The following SRGAP1 variants were observed in gnomAD, a reference collection of about 807,000 sequenced individuals.
The protein encoded by SRGAP1 is SLIT-ROBO Rho GTPase-activating protein 1.
SRGAP1 carries 43 observed loss-of-function variants against 121.9 expected under a neutral mutation model. That is an observed-to-expected ratio of 0.35 (90% CI 0.28 to 0.46). The LOEUF is 0.46. Among genes scored for constraint, SRGAP1 ranks in the 20% least tolerant of loss-of-function variants. The probability of loss-of-function intolerance (pLI) is 1.00; values close to 1 mark genes in which losing one functional copy is unlikely to be tolerated. For missense variants in SRGAP1, 1,102 were observed against 1,350.9 expected, an observed-to-expected ratio of 0.82 and a Z score of 2.89; for synonymous variants, 447 against 485.4, an observed-to-expected ratio of 0.92 and a Z score of 1.04.
intron 3 of SRGAP1, among the ~76,000 whole-genome samples, chr12:63,991,625 T>C (rs1453538285): frequency 6.6e-6 from 1 of 152,128 alleles, no homozygotes; most frequent in African/African-American, 2.4e-5. Flanking sequence ...TATGCAGAGA[T>C]CTCGTTTGGT....
intron 1 of SRGAP1, chr12:63,871,786 C>G (rs1489730910): frequency 7.7e-7 from 1 of 1,302,768 alleles, no homozygotes; most frequent in East Asian, 2.3e-5. Context: ...CCTCCCAGTT[C>G]AAAATGCTTG....
In SRGAP1 at chr12:64,137,212, C is replaced by A. The variant is rs955127493; in HGVS notation, c.2881-5083C>A. 2.0e-5 allele frequency among the ~76,000 whole-genome samples: 3 copies of A among 151,458 alleles called. No homozygotes were observed. In the South Asian group the frequency reaches 6.3e-4, roughly 32 times the overall value. ...CCAGGAGGCGGAGGTCGCAGTGAGC[C>A]GAGATCACAGTATTGCATTGCATTC... On this transcript the variant is annotated intron_variant, in intron 21 of 21. Coordinates refer to ENST00000355086, the MANE Select transcript of SRGAP1 (RefSeq NM_020762.4).
chr12:64,124,070 T>C (rs948223272), intron 18 of SRGAP1, among the ~76,000 whole-genome samples: 1 of 152,134 alleles, frequency 6.6e-6, no homozygotes, highest in East Asian at 1.9e-4. Context: ...AAAAAAATTA[T>C]CCAAAGCAAA....
Position 64,129,975 on chromosome 12 carries a change from GGTTGTTGTTGTT to G in SRGAP1, c.2880+1797_2880+1808del, listed in dbSNP as rs57651653. On this transcript the variant is annotated intron_variant, in intron 21 of 21. Coordinates refer to ENST00000355086, the MANE Select transcript of SRGAP1 (RefSeq NM_020762.4). Reference sequence around the variant, plus strand: ...TTCAGCAAGCACCTCAGCAGGTCGTGGTTGTTGTTGTTGTTGTTGTTGTTGTTGTTGTTTTCC... The same window carrying G: ...TTCAGCAAGCACCTCAGCAGGTCGTGGTTGTTGTTGTTGTTGTTGTTTTCC... Among the ~76,000 whole-genome samples the G allele has an allele frequency of 6.6e-5, 10 of 151,236 alleles. 1 individual carries two copies. The South Asian group carries it at 8.4e-4, about 13-fold the overall frequency.
intron 1 of SRGAP1, among the ~76,000 whole-genome samples, chr12:63,953,399 A>ATTTTTTTTTTTTTTTTT (rs34352334): frequency 8.7e-6 from 1 of 114,704 alleles, no homozygotes; most frequent in Non-Finnish European, 1.8e-5. Flanking sequence ...TTCTTGATTG[A>ATTTTTTTTTTTTTTTTT]TTTTTTTTTT....
rs529518560 is a variant in SRGAP1 at position 63,943,612 on chromosome 12, G to GT, written c.68-40327dup. 1.7e-3 allele frequency among the ~76,000 whole-genome samples: 256 copies of GT among 152,132 alleles called. 3 individuals are homozygous for GT. Among genetic ancestry groups the GT allele is most frequent in the Non-Finnish European group, 3.1e-3 (212 of 67,980 alleles). On this transcript the variant is annotated intron_variant, in intron 1 of 21. Coordinates refer to ENST00000355086, the MANE Select transcript of SRGAP1 (RefSeq NM_020762.4). ...TACAGGCTTTTAACAACTATTCTAT[G>GT]TTTTTTTTCTAGGGGTATAAGAAAA...
chr12:64,086,434 G>A lies in SRGAP1; in HGVS notation c.1409-565G>A, dbSNP rs191640368. On this transcript the variant is annotated intron_variant, in intron 10 of 21. Transcript: ENST00000355086. ...TGAAAGGCTTTTAGCTTACAAGTTG[G>A]TGGAATGTAGTATCATTTAATGTCC... Among the ~76,000 whole-genome samples, 297 of 152,282 alleles carry A rather than the reference G, an allele frequency of 2.0e-3. 3 individuals carry two copies. The highest frequency in any genetic ancestry group is 6.8e-3 in the Middle Eastern group (2 of 294).
chr12:64,049,269 G>A (rs779599610), intron 6 of SRGAP1, among the ~76,000 whole-genome samples: 1 of 152,128 alleles, frequency 6.6e-6, no homozygotes, highest in African/African-American at 2.4e-5. Flanking sequence ...TTTCCCCAGT[G>A]TATGTTTGTG....
intron 6 of SRGAP1, among the ~76,000 whole-genome samples, chr12:64,047,762 A>G (rs2035162056): frequency 6.6e-6 from 1 of 152,168 alleles, no homozygotes; most frequent in Admixed American, 6.5e-5. Context: ...CGTAGAAACT[A>G]TTATAGAAGC....
chr12:63,855,494 T>TTG (rs1313593711), intron 1 of SRGAP1, among the ~76,000 whole-genome samples: 3 of 131,306 alleles, frequency 2.3e-5, no homozygotes, highest in Non-Finnish European at 4.9e-5. Context: ...TTTTTTTTTT[T>TTG]TTTTTTTTTT....
At chr12:63,852,812 T>C (rs928038218) in intron 1 of SRGAP1, among the ~76,000 whole-genome samples, 1 of 152,180 alleles carries the variant, frequency 6.6e-6, no homozygotes, top group African/African-American at 2.4e-5. Flanking sequence ...ATTCCACTTA[T>C]GACTGCTAAT....
At chr12:64,103,277 G>A (rs914948246) in intron 15 of SRGAP1, among the ~76,000 whole-genome samples, 3 of 152,088 alleles carry the variant, frequency 2.0e-5, no homozygotes, top group Non-Finnish European at 1.5e-5. Context: ...CACTGTGCCC[G>A]GCCAAGCTGT....
intron 1 of SRGAP1, among the ~76,000 whole-genome samples, chr12:63,979,948 T>C (rs2136403041): frequency 6.6e-6 from 1 of 152,358 alleles, no homozygotes; most frequent in South Asian, 2.1e-4. Context: ...GCTTTAATGT[T>C]CTGTAGTTCC....
intron 1 of SRGAP1, among the ~76,000 whole-genome samples, chr12:63,885,067 G>A (rs760429296): frequency 4.6e-5 from 7 of 152,012 alleles, no homozygotes; most frequent in African/African-American, 7.2e-5. Context: ...TATGGAGGCT[G>A]TTTAGGAAAA....
At chr12:64,082,125 A>C (rs1395961907) in intron 10 of SRGAP1, among the ~76,000 whole-genome samples, 2 of 149,748 alleles carry the variant, frequency 1.3e-5, no homozygotes, top group African/African-American at 4.9e-5. Flanking sequence ...TTATAGGCAC[A>C]AAGTCCTACC....
At position 64,009,021 on chromosome 12, in the gene SRGAP1, G is replaced by T. The variant is rs997638573; in HGVS notation, c.427-7929G>T. Among the ~76,000 whole-genome samples, 150 of 152,146 alleles carry T rather than the reference G, an allele frequency of 9.9e-4. 4 individuals are homozygous for T. The highest frequency in any genetic ancestry group is 3.5e-3 in the African/African-American group (145 of 41,474). The stretch of plus-strand genomic sequence containing the variant: ...TAGCTTTGGATCTCTCACAATTATG[G>T]CTGTCACAGAAAAGAAGGCCAGTTG... On this transcript the variant is annotated intron_variant, in intron 3 of 21. Coordinates refer to ENST00000355086, the MANE Select transcript of SRGAP1 (RefSeq NM_020762.4).
chr12:63,955,223 G>A lies in SRGAP1; in HGVS notation c.68-28724G>A, dbSNP rs549322014. On this transcript the variant is annotated intron_variant, in intron 1 of 21. Transcript: ENST00000355086. ...GGTCCCAGCTACTTGGGAGGCTGAG[G>A]CAGGAGAATCACTTGAACCCAGGAG... Among the ~76,000 whole-genome samples, 9 of 152,236 alleles carry A rather than the reference G, an allele frequency of 5.9e-5. No individual in the cohort carries two copies. In the South Asian group the frequency reaches 1.9e-3, roughly 32 times the overall value.
At chr12:63,883,690 G>A (rs906782991) in intron 1 of SRGAP1, among the ~76,000 whole-genome samples, 25 of 145,664 alleles carry the variant, frequency 1.7e-4, no homozygotes, top group Middle Eastern at 3.5e-3. Flanking sequence ...GCGGATTCTC[G>A]CTCTGTCGCC....
chr12:64,140,504 A>G (rs2036939729), intron 21 of SRGAP1, among the ~76,000 whole-genome samples: 1 of 151,790 alleles, frequency 6.6e-6, no homozygotes, highest in Non-Finnish European at 1.5e-5. Context: ...CTTTGAAGCA[A>G]TTGTGAATGG....
Sources: gnomAD v4.1 joint callset for allele counts (sites outside exome capture counted in the v4.1 genomes callset) on GRCh38, gnomAD v4.1.1 for gene constraint, MANE v1.5 for transcripts, NCBI Gene and HGNC (gene_info 2026-07-23, HGNC 2026-07-21) for gene names.